POLR3GL: variants seen among roughly 807,000 people sequenced by gnomAD.
POLR3GL encodes the protein DNA-directed RNA polymerase III subunit RPC7-like.
In POLR3GL, 26 loss-of-function variants were observed where a neutral mutation model predicts 32.4. The ratio of observed to expected loss-of-function variants is 0.80; its 90% CI spans 0.59 to 1.11. POLR3GL has a LOEUF of 1.11. Ranked by LOEUF, POLR3GL falls within the 50% of genes most tolerant of loss-of-function variation. POLR3GL has a pLI of 0.00. For synonymous variants in POLR3GL, 95 were observed against 98.7 expected (o/e 0.96, Z 0.22); for missense variants, 229 against 280.1 (o/e 0.82, Z 1.30).
At chr1:145,969,296 C>T (rs939868242) in intron 1 of POLR3GL, among the ~76,000 whole-genome samples, 3 of 151,556 alleles carry the variant, frequency 2.0e-5, no homozygotes, top group Non-Finnish European at 2.9e-5. Flanking sequence ...GACACAGTCT[C>T]GCTCTTTTGC....
At chr1:145,973,716 A>G (rs1254129088) in intron 1 of POLR3GL, among the ~76,000 whole-genome samples, 3 of 149,498 alleles carry the variant, frequency 2.0e-5, no homozygotes, top group Admixed American at 6.7e-5. Flanking sequence ...TGTCTCAAGA[A>G]AAAAAAAAAG....
At chr1:145,975,096 T>A in intron 2 of POLR3GL, 105 bp downstream of exon 2, 1 of 1,397,994 alleles carries the variant, frequency 7.2e-7, no homozygotes, top group Non-Finnish European at 9.6e-7. Context: ...GCTTTGGCCC[T>A]CTCTCTATAC....
chr1:145,973,959 C>T (rs1650438614), intron 1 of POLR3GL, among the ~76,000 whole-genome samples: 1 of 124,306 alleles, frequency 8.0e-6, no homozygotes, highest in African/African-American at 3.3e-5. Context: ...AATCCAGTCT[C>T]TTAAAAAAAA....
chr1:145,972,144 G>A (rs1450858011), intron 1 of POLR3GL, among the ~76,000 whole-genome samples: 6 of 150,644 alleles, frequency 4.0e-5, no homozygotes, highest in Non-Finnish European at 8.9e-5. Context: ...ACTTTGGGAG[G>A]CCGAGGTGGG....
chr1:145,973,725 A>G (rs75769001), intron 1 of POLR3GL, among the ~76,000 whole-genome samples: 2 of 151,290 alleles, frequency 1.3e-5, no homozygotes, highest in African/African-American at 4.9e-5. Flanking sequence ...AAAAAAAAAA[A>G]GAAGACACAC....
intron 1 of POLR3GL, among the ~76,000 whole-genome samples, chr1:145,966,021 C>T (rs587724755): frequency 5.6e-5 from 8 of 142,342 alleles, no homozygotes; most frequent in Non-Finnish European, 1.0e-4. Flanking sequence ...GAGGCTGAGG[C>T]AGGAGAATCA....
intron 1 of POLR3GL, among the ~76,000 whole-genome samples, chr1:145,966,047 C>T (rs941883851): frequency 1.8e-4 from 24 of 132,078 alleles, no homozygotes; most frequent in African/African-American, 7.0e-4. Context: ...ACCCAGGAGG[C>T]GGAGGTTGCA....
At chr1:145,972,013 C>CGTGTGTGT (rs1206867198) in intron 1 of POLR3GL, among the ~76,000 whole-genome samples, 9 of 97,388 alleles carry the variant, frequency 9.2e-5, no homozygotes, top group African/African-American at 3.8e-4. Flanking sequence ...TATATATATA[C>CGTGTGTGT]GTGTGTGTGT....
intron 1 of POLR3GL, among the ~76,000 whole-genome samples, chr1:145,966,679 C>T (rs1471791133): frequency 1.3e-5 from 2 of 151,828 alleles, no homozygotes; most frequent in African/African-American, 4.8e-5. Context: ...ATCCCAGTTA[C>T]TCGGGGGGCT....
In POLR3GL at chr1:145,977,759, CTT is replaced by C. The variant is rs1650628540; in HGVS notation, c.383-16_383-15del. ...CAAAATTTGCTCTCTGAAGGTTTACCTTTTGATCCCTCCACCAGGGATTACAA... is the reference window on the plus strand; with the variant it reads ...CAAAATTTGCTCTCTGAAGGTTTACCTTGATCCCTCCACCAGGGATTACAA... On this transcript the variant is annotated splice_polypyrimidine_tract_variant and intron_variant, in intron 5 of 7. Coordinates refer to ENST00000369314, the MANE Select transcript of POLR3GL (RefSeq NM_032305.3). 1 of 1,612,530 alleles carries C rather than the reference CTT, an allele frequency of 6.2e-7. No homozygotes were observed. The highest frequency in any genetic ancestry group is 1.7e-5 in the Admixed American group (1 of 59,934).
Position 145,974,864 on chromosome 1 carries a change from C to T in POLR3GL, c.-2C>T, listed in dbSNP as rs782481412. 2 of 1,514,942 alleles carry T rather than the reference C, an allele frequency of 1.3e-6. No individual in the cohort carries two copies. Among genetic ancestry groups the T allele is most frequent in the Admixed American group, 5.4e-5 (2 of 37,244 alleles). The allele number at this position is 1,514,942 out of a possible 1,614,324, so 93.8% of individuals were successfully genotyped here. ...TCTCTGAATACCCAGGCCCCCTCCACCATGGCCAGCCGGGGTGGGGGCCGG... is the reference window on the plus strand; with the variant it reads ...TCTCTGAATACCCAGGCCCCCTCCATCATGGCCAGCCGGGGTGGGGGCCGG... On this transcript the variant is annotated 5_prime_UTR_variant, in exon 2 of 8. Transcript: ENST00000369314.
intron 3 of POLR3GL, among the ~76,000 whole-genome samples, chr1:145,976,419 A>G (rs1650556078): frequency 6.6e-6 from 1 of 151,138 alleles, no homozygotes; most frequent in South Asian, 2.1e-4. Context: ...TCTACAAAAA[A>G]TACAAAAAAA....
At position 145,978,072 on chromosome 1, in the gene POLR3GL, G is replaced by C; in HGVS notation, c.546G>C (p.Glu182Asp). ...AGAAGGAAGAGGAGGAAGAAGAAGA[G>C]TATGATGAAGAAGAACATGAAGAGG... Reference protein sequence around the residue: ...EEEKEEEEEEEYDEEEHEEET... With the variant: ...EEEKEEEEEEDYDEEEHEEET... The change falls in exon 7 of 8, where the codon GAG becomes GAC. Residue 182 changes from glutamate to aspartate, a missense_variant. By Grantham distance (45) the Glu-to-Asp change is conservative (BLOSUM62 2). Transcript: ENST00000369314. 1 of 1,603,492 alleles carries C rather than the reference G, an allele frequency of 6.2e-7. No homozygotes were observed.
At chr1:145,977,237 C>T in intron 4 of POLR3GL, 85 bp downstream of exon 4, 2 of 1,172,438 alleles carry the variant, frequency 1.7e-6, no homozygotes, top group Non-Finnish European at 2.6e-6. Context: ...CATGACCCCA[C>T]CCCATTCCCC....
chr1:145,971,900 G>T (rs1650316814), intron 1 of POLR3GL, among the ~76,000 whole-genome samples: 1 of 141,886 alleles, frequency 7.0e-6, no homozygotes, highest in African/African-American at 2.7e-5. Context: ...GGGAGGCAGA[G>T]GTTGCAGTGA....
Position 145,978,499 on chromosome 1 carries a change from A to AT in POLR3GL, c.*52_*53insT. ...TCTTTAGGATACAGAGAGTAACTGT[A>AT]CCTATTATTTGTTTCTTCAGACAAG... On this transcript the variant is annotated 3_prime_UTR_variant, in exon 8 of 8. Coordinates refer to ENST00000369314, the MANE Select transcript of POLR3GL (RefSeq NM_032305.3). 1.7e-6 allele frequency: 2 copies of AT among 1,144,610 alleles called. No homozygotes were observed. Among genetic ancestry groups the AT allele is most frequent in the Non-Finnish European group, 2.6e-6 (2 of 764,782 alleles). 70.9% of individuals were successfully genotyped at this position (1,144,610 alleles called of 1,614,324 possible). A position where few individuals can be genotyped will look rare whatever the true frequency, so the allele number is the denominator to read the frequency against.
intron 1 of POLR3GL, among the ~76,000 whole-genome samples, chr1:145,965,565 C>T (rs1435826617): frequency 6.6e-6 from 1 of 152,108 alleles, no homozygotes; most frequent in Non-Finnish European, 1.5e-5. Flanking sequence ...TTATTGAGCA[C>T]CTACTATATG....
intron 1 of POLR3GL, among the ~76,000 whole-genome samples, chr1:145,971,137 G>C (rs1399489541): frequency 8.2e-6 from 1 of 122,504 alleles, no homozygotes; most frequent in Non-Finnish European, 1.6e-5. Context: ...AGTGAGCCGA[G>C]ATCGCGCCAT....
At chr1:145,975,105 A>G (rs2101940118) in intron 2 of POLR3GL, 114 bp downstream of exon 2, 1 of 1,357,946 alleles carries the variant, frequency 7.4e-7, no homozygotes, top group Non-Finnish European at 9.9e-7. Flanking sequence ...CTCTCTCTAT[A>G]CTCCCAATGC....
Sources: allele counts gnomAD v4.1 joint callset (sites outside exome capture counted in the v4.1 genomes callset), GRCh38; gene constraint gnomAD v4.1.1; transcripts MANE v1.5; gene names NCBI Gene and HGNC (gene_info 2026-07-23, HGNC 2026-07-21).